Variants in CWC27 observed in about 807,000 individuals in gnomAD.
The protein encoded by CWC27 is CWC27 spliceosome associated cyclophilin.
CWC27 carries 47 observed loss-of-function variants against 63.6 expected under a neutral mutation model. The ratio of observed to expected loss-of-function variants is 0.74; its 90% confidence interval spans 0.58 to 0.94. The LOEUF (loss-of-function observed/expected upper bound fraction) is 0.94, where lower values mean the gene tolerates loss of function less well. CWC27 is among the 40% of genes least tolerant of loss of function. The probability of loss-of-function intolerance (pLI) is 0.00; values close to 1 mark genes in which losing one functional copy is unlikely to be tolerated. For missense variants in CWC27, 495 were observed against 554.3 expected (o/e 0.89, Z 1.07); for synonymous variants, 175 against 179.8 (o/e 0.97, Z 0.22).
At chr5:64,944,698 C>T (rs1042538355) in intron 11 of CWC27, among the ~76,000 whole-genome samples, 10 of 152,218 alleles carry the variant, frequency 6.6e-5, no homozygotes, top group African/African-American at 1.9e-4. Context: ...GATCTGTAGG[C>T]CAACAATTTC....
At chr5:64,886,983 A>G (rs889085714) in intron 11 of CWC27, among the ~76,000 whole-genome samples, 4 of 152,252 alleles carry the variant, frequency 2.6e-5, no homozygotes, top group Non-Finnish European at 4.4e-5. Context: ...TCTTATAATT[A>G]AAAGTATTTT....
intron 10 of CWC27, among the ~76,000 whole-genome samples, chr5:64,878,470 TAAAAA>T (rs397998002): frequency 8.5e-4 from 23 of 26,934 alleles, no homozygotes; most frequent in South Asian, 2.8e-3. Flanking sequence ...GGTTACAGAT[TAAAAA>T]AAAAAAAAAA....
rs747410307 is a variant in CWC27, at chr5:64,782,073, TA to T, written c.252+41del. On this transcript the variant is annotated intron_variant, in intron 3 of 13. Transcript: ENST00000381070. ...TTATTTTTATTATTATTTTTGTTGT[TA>T]TTATTATTTCCAAGTCAGTTTGGAT... The T allele has an allele frequency of 7.4e-6, 8 of 1,074,430 alleles. No homozygotes were observed. In the South Asian group the frequency reaches 1.4e-4, roughly 18 times the overall value. 66.6% of individuals were successfully genotyped at this position (1,074,430 alleles called of 1,614,324 possible). A position where few individuals can be genotyped will look rare whatever the true frequency, so the allele number is the denominator to read the frequency against.
intron 13 of CWC27, among the ~76,000 whole-genome samples, chr5:65,013,047 T>C (rs1749989546): frequency 6.6e-6 from 1 of 152,120 alleles, no homozygotes; most frequent in South Asian, 2.1e-4. Context: ...TTGAGAAACA[T>C]TGCTTTAAAC....
chr5:64,913,560 A>G (rs1407935369), intron 11 of CWC27, among the ~76,000 whole-genome samples: 2 of 152,084 alleles, frequency 1.3e-5, no homozygotes, highest in African/African-American at 4.8e-5. Context: ...TATTTTCTAT[A>G]TGGAAATAAC....
intron 13 of CWC27, among the ~76,000 whole-genome samples, chr5:64,977,621 C>G (rs2968203): frequency 5.3e-5 from 8 of 152,090 alleles, no homozygotes; most frequent in African/African-American, 1.9e-4. Flanking sequence ...TCCCACAAAC[C>G]TTTTAGAACT....
chr5:64,912,419 A>G (rs917144531), intron 11 of CWC27, among the ~76,000 whole-genome samples: 2 of 152,214 alleles, frequency 1.3e-5, no homozygotes, highest in African/African-American at 2.4e-5. Context: ...TAAAATAAAT[A>G]TGCTTACTTT....
intron 13 of CWC27, among the ~76,000 whole-genome samples, chr5:64,981,315 A>T (rs1162425998): frequency 2.0e-5 from 3 of 152,200 alleles, no homozygotes; most frequent in Non-Finnish European, 4.4e-5. Flanking sequence ...CATATTTTAA[A>T]CAGAAATTAG....
Position 64,771,261 on chromosome 5 carries a change from G to A in CWC27, c.42+2073G>A, listed in dbSNP as rs575672111. Among the ~76,000 whole-genome samples the A allele has an allele frequency of 7.2e-5, 11 of 152,336 alleles. No individual in the cohort carries two copies. The South Asian group carries it at 2.3e-3, about 32-fold the overall frequency. ...GAAGAATTTGAAGCACATGTAATAA[G>A]TCTGTTCAACGAATGTTTATTGCCT... On this transcript the variant is annotated intron_variant, in intron 1 of 13. Transcript: ENST00000381070.
At chr5:64,876,054 G>A (rs1746786240) in intron 10 of CWC27, among the ~76,000 whole-genome samples, 1 of 152,036 alleles carries the variant, frequency 6.6e-6, no homozygotes, top group Non-Finnish European at 1.5e-5. Context: ...GCTAGTAATA[G>A]GTAGAACAGA....
chr5:64,804,333 G>C lies in CWC27; in HGVS notation c.885G>C (p.Ala295=). The C allele has an allele frequency of 6.2e-7, 1 of 1,612,900 alleles. No homozygotes were observed. The highest frequency in any genetic ancestry group is 8.5e-7 in the Non-Finnish European group (1 of 1,179,504). Residue 295 remains alanine (A), a synonymous_variant, in exon 10 of 14, where the codon GCG becomes GCC. Transcript: ENST00000381070. ...IAKKLKKDTS[A]NVKSAGEGEV... is the part of the protein sequence containing the mutation. The stretch of plus-strand genomic sequence containing the variant: ...AAAAATTAAAAAAGGACACAAGTGC[G>C]AATGTTAAATCAGCTGGAGAAGGAG...
In CWC27 at chr5:64,979,676, G is replaced by A. The variant is rs558602458; in HGVS notation, c.1256+2438G>A. On this transcript the variant is annotated intron_variant, in intron 13 of 13. Coordinates refer to ENST00000381070, the MANE Select transcript of CWC27 (RefSeq NM_005869.4). ...GTTCCCAGACTATTTTGTAGGTCACGGTTGCCGCTTTTCTAAGAAGTGAAA... is the reference window on the plus strand; with the variant it reads ...GTTCCCAGACTATTTTGTAGGTCACAGTTGCCGCTTTTCTAAGAAGTGAAA... Among the ~76,000 whole-genome samples the A allele has an allele frequency of 1.9e-4, 29 of 152,226 alleles. No homozygotes were observed. The South Asian group carries it at 5.4e-3, about 28-fold the overall frequency.
chr5:64,775,742 T>G (rs1279148218), intron 2 of CWC27, among the ~76,000 whole-genome samples: 1 of 152,170 alleles, frequency 6.6e-6, no homozygotes, highest in Non-Finnish European at 1.5e-5. Flanking sequence ...GAAGTGTTTT[T>G]CCCTGCAGAG....
intron 11 of CWC27, among the ~76,000 whole-genome samples, chr5:64,890,476 T>C (rs1225565933): frequency 6.6e-6 from 1 of 152,190 alleles, no homozygotes; most frequent in African/African-American, 2.4e-5. Flanking sequence ...CTTAATACCA[T>C]GTAAAATTTT....
chr5:64,808,957 C>T (rs1399137779), intron 10 of CWC27, among the ~76,000 whole-genome samples: 2 of 152,046 alleles, frequency 1.3e-5, no homozygotes, highest in African/African-American at 4.8e-5. Flanking sequence ...AACAATGTGT[C>T]TATTAACTAT....
At chr5:64,905,200 C>CAAAAAAAAAAAAAAAAAAA (rs71608574) in intron 11 of CWC27, among the ~76,000 whole-genome samples, 2 of 55,560 alleles carry the variant, frequency 3.6e-5, no homozygotes, top group African/African-American at 6.7e-5. Flanking sequence ...CACTACATCT[C>CAAAAAAAAAAAAAAAAAAA]AAAAAAAAAA....
At chr5:64,978,074 C>G (rs1276636901) in intron 13 of CWC27, among the ~76,000 whole-genome samples, 2 of 152,166 alleles carry the variant, frequency 1.3e-5, no homozygotes, top group Non-Finnish European at 2.9e-5. Flanking sequence ...ACAGCATCTC[C>G]CCTGTTTCAA....
At chr5:64,885,672 C>G (rs1335203223) in intron 11 of CWC27, 126 bp downstream of exon 11, 1 of 674,170 alleles carries the variant, frequency 1.5e-6, no homozygotes, top group Admixed American at 2.5e-5. Context: ...TTTCTTCCCT[C>G]TTTCTTTCCC....
intron 10 of CWC27, among the ~76,000 whole-genome samples, chr5:64,833,174 C>G (rs536117361): frequency 6.6e-6 from 1 of 151,764 alleles, no homozygotes; most frequent in African/African-American, 2.4e-5. Flanking sequence ...CATACCCCCC[C>G]ACACAGATTT....
Sources: allele counts gnomAD v4.1 joint callset (sites outside exome capture counted in the v4.1 genomes callset), GRCh38; gene constraint gnomAD v4.1.1; transcripts MANE v1.5; gene names NCBI Gene and HGNC (gene_info 2026-07-23, HGNC 2026-07-21).